Variants in AZIN1 observed in about 807,000 individuals in gnomAD.
AZIN1 encodes antizyme inhibitor 1.
In AZIN1, 12 loss-of-function variants were observed where a neutral mutation model predicts 47.4. The ratio of observed to expected loss-of-function variants is 0.25; its 90% CI spans 0.16 to 0.41. The LOEUF (loss-of-function observed/expected upper bound fraction) is 0.41, where lower values mean the gene tolerates loss of function less well. AZIN1 is among the 10% of genes least tolerant of loss of function. AZIN1 has a pLI of 1.00. For missense variants in AZIN1, 410 were observed against 532.4 expected, an observed-to-expected ratio of 0.77 and a Z score of 2.26; for synonymous variants, 155 against 176.3, an observed-to-expected ratio of 0.88 and a Z score of 0.96.
intron 10 of AZIN1, 25 bp downstream of exon 10, chr8:102,829,795 GT>G: frequency 6.6e-7 from 1 of 1,521,922 alleles, no homozygotes; most frequent in Non-Finnish European, 9.1e-7. Context: ...TGCCAAATAG[GT>G]TTTGATATTT....
intron 1 of AZIN1, among the ~76,000 whole-genome samples, chr8:102,861,869 T>G (rs1813683061): frequency 6.6e-6 from 1 of 152,028 alleles, no homozygotes; most frequent in African/African-American, 2.4e-5. Flanking sequence ...TGAAACCCCT[T>G]TTCTACTAAA....
rs1395928791 is a variant in AZIN1, at chr8:102,826,484, A to T, written c.*2083T>A. On this transcript the variant is annotated 3_prime_UTR_variant, in exon 12 of 12. Coordinates refer to ENST00000337198, the MANE Select transcript of AZIN1 (RefSeq NM_148174.4). The stretch of plus-strand genomic sequence containing the variant: ...ACTTTTGAACTGAGATTACAATATT[A>T]TAACAAAAAACTTTACATTAATTCA... The T allele has an allele frequency of 6.5e-6, 1 of 152,676 alleles. No individual in the cohort carries two copies. Among genetic ancestry groups the T allele is most frequent in the Admixed American group, 6.5e-5 (1 of 15,282 alleles). 9.5% of individuals were successfully genotyped at this position (152,676 alleles called of 1,614,324 possible). A position where few individuals can be genotyped will look rare whatever the true frequency, so the allele number is the denominator to read the frequency against.
intron 2 of AZIN1, among the ~76,000 whole-genome samples, chr8:102,853,461 C>T (rs938198778): frequency 1.3e-5 from 2 of 152,160 alleles, no homozygotes; most frequent in Admixed American, 6.5e-5. Context: ...GAAATCGCGC[C>T]ACTGCACTCT....
intron 4 of AZIN1, 105 bp downstream of exon 4, chr8:102,839,545 C>G: frequency 1.3e-6 from 1 of 773,582 alleles, no homozygotes; most frequent in Middle Eastern, 4.0e-4. Context: ...TTTTGAAACT[C>G]CATCCAAAAG....
intron 9 of AZIN1, among the ~76,000 whole-genome samples, chr8:102,830,544 T>C (rs1303992610): frequency 6.6e-6 from 1 of 151,070 alleles, no homozygotes; most frequent in Non-Finnish European, 1.5e-5. Flanking sequence ...AGGCAATATA[T>C]GCACAAGGAG....
Position 102,836,324 on chromosome 8 carries a change from A to T in AZIN1, c.516T>A (p.Thr172=). ...GGEEGNMKFG[T]TLKNCRHLLE... ...AGAGATGCCTACAGTTCTTCAGGGT[A>T]GTGCCAAACTTCATGTTACCCTCTT... Residue 172 remains threonine (T), a synonymous_variant, in exon 6 of 12, where the codon ACT becomes ACA. Coordinates refer to ENST00000337198, the MANE Select transcript of AZIN1 (RefSeq NM_148174.4). 1 of 1,613,370 alleles carries T rather than the reference A, an allele frequency of 6.2e-7. No individual in the cohort carries two copies. The highest frequency in any genetic ancestry group is 8.5e-7 in the Non-Finnish European group (1 of 1,179,240).
chr8:102,859,248 A>G (rs149155958), intron 1 of AZIN1: 1 of 152,238 alleles, frequency 6.6e-6, no homozygotes, highest in Admixed American at 6.5e-5. Flanking sequence ...GTACTACTCC[A>G]TAACATTCTG....
intron 3 of AZIN1, among the ~76,000 whole-genome samples, chr8:102,841,776 G>T (rs1182573924): frequency 7.4e-6 from 1 of 134,280 alleles, no homozygotes; most frequent in Non-Finnish European, 1.6e-5. Context: ...AAGAAAGATT[G>T]TATCAGTTAA....
chr8:102,848,018 CCAT>C (rs1812682423), intron 2 of AZIN1, among the ~76,000 whole-genome samples: 1 of 152,102 alleles, frequency 6.6e-6, no homozygotes, highest in Non-Finnish European at 1.5e-5. Flanking sequence ...TCTCATAATA[CCAT>C]ATTTTTACTG....
chr8:102,836,410 T>C lies in AZIN1; in HGVS notation c.450-20A>G. Reference sequence around the variant, plus strand: ...AAGACCCTAAGAGAAGGGGAGATGATTGGGGCAGAGTTGGTTTACATCATC... The same window carrying C: ...AAGACCCTAAGAGAAGGGGAGATGACTGGGGCAGAGTTGGTTTACATCATC... On this transcript the variant is annotated intron_variant, in intron 5 of 11. Transcript: ENST00000337198. The C allele has an allele frequency of 1.2e-6, 2 of 1,612,798 alleles. No homozygotes were observed. Among genetic ancestry groups the C allele is most frequent in the Non-Finnish European group, 1.7e-6 (2 of 1,179,160 alleles).
In AZIN1 at chr8:102,834,182, A is replaced by G; in HGVS notation, c.741+7T>C. ...ATTCTGTTAATGTCATCTACTGAGA[A>G]GTTTACCTCTTCCAATTGAAATTCA... is the stretch of plus-strand genomic sequence containing the variant. On this transcript the variant is annotated splice_region_variant and intron_variant, in intron 8 of 11. Transcript: ENST00000337198. 1 of 1,609,340 alleles carries G rather than the reference A, an allele frequency of 6.2e-7. No homozygotes were observed. The highest frequency in any genetic ancestry group is 8.5e-7 in the Non-Finnish European group (1 of 1,176,530).
intron 3 of AZIN1, among the ~76,000 whole-genome samples, chr8:102,841,846 C>G (rs1463215851): frequency 6.7e-6 from 1 of 149,534 alleles, no homozygotes; most frequent in Non-Finnish European, 1.5e-5. Context: ...CGCGGTGGCT[C>G]GCGCCTGTAA....
At chr8:102,858,201 G>A (rs1813410398) in intron 1 of AZIN1, 51 bp from the exon 2 acceptor site, 1 of 398,252 alleles carries the variant, frequency 2.5e-6, no homozygotes, top group East Asian at 3.6e-5. Flanking sequence ...TTAAAAAAAT[G>A]TTTAGGCTGA....
intron 2 of AZIN1, among the ~76,000 whole-genome samples, chr8:102,845,335 C>A (rs1052515300): frequency 6.6e-6 from 1 of 152,246 alleles, no homozygotes; most frequent in Non-Finnish European, 1.5e-5. Context: ...CTAACAGCTT[C>A]ATTTCCAAGA....
intron 1 of AZIN1, among the ~76,000 whole-genome samples, chr8:102,860,104 T>C (rs1342722395): frequency 6.6e-6 from 1 of 152,172 alleles, no homozygotes; most frequent in East Asian, 1.9e-4. Flanking sequence ...AAGAAGGACT[T>C]GTTAAATGGA....
At chr8:102,853,330 C>G (rs1813045315) in intron 2 of AZIN1, among the ~76,000 whole-genome samples, 1 of 152,224 alleles carries the variant, frequency 6.6e-6, no homozygotes, top group Non-Finnish European at 1.5e-5. Flanking sequence ...TGGTGAAACC[C>G]TGTCTCTACT....
chr8:102,842,276 G>A (rs1375486157), intron 3 of AZIN1, among the ~76,000 whole-genome samples: 1 of 152,116 alleles, frequency 6.6e-6, no homozygotes, highest in Admixed American at 6.5e-5. Context: ...ATCCACTGAA[G>A]AATACAACTG....
intron 9 of AZIN1, 83 bp downstream of exon 9, chr8:102,832,973 A>T: frequency 7.9e-7 from 1 of 1,273,750 alleles, no homozygotes; most frequent in Non-Finnish European, 1.1e-6. Context: ...AAAACCACCT[A>T]CAACTTCATG....
intron 2 of AZIN1, among the ~76,000 whole-genome samples, chr8:102,847,301 G>A (rs1033878244): frequency 6.7e-6 from 1 of 150,354 alleles, no homozygotes; most frequent in Non-Finnish European, 1.5e-5. Context: ...GATTTTGTGA[G>A]GCCAGAAGTT....
Sources: allele counts gnomAD v4.1 joint callset (sites outside exome capture counted in the v4.1 genomes callset), GRCh38; gene constraint gnomAD v4.1.1; transcripts MANE v1.5; gene names NCBI Gene and HGNC (gene_info 2026-07-23, HGNC 2026-07-21).